NHS: variants seen among roughly 807,000 people sequenced by gnomAD.
The protein encoded by NHS is NHS actin remodeling regulator, also known as actin remodeling regulator NHS.
A neutral mutation model predicts 72.5 loss-of-function variants in NHS; 5 were observed. That is an observed-to-expected ratio of 0.07 (90% CI 0.04 to 0.14). The LOEUF (loss-of-function observed/expected upper bound fraction) is 0.14. Among genes scored for constraint, NHS ranks in the 10% least tolerant of loss-of-function variants. The probability of loss-of-function intolerance (pLI) is 1.00; values close to 1 mark genes in which losing one functional copy is unlikely to be tolerated. For missense variants in NHS, 1,072 were observed against 1,355.7 expected, an observed-to-expected ratio of 0.79 and a Z score of 3.29; for synonymous variants, 464 against 547.7, an observed-to-expected ratio of 0.85 and a Z score of 2.13.
At position 17,732,859 on chromosome X, in the gene NHS, T is replaced by G. The variant is rs1311257428; in HGVS notation, c.*395T>G. On this transcript the variant is annotated 3_prime_UTR_variant, in exon 9 of 9. Transcript: ENST00000676302. ...TGAAATTACTCTGGATGTTTGGTAT[T>G]TTTTTACATTAAAACAAACTAAAGC... is the stretch of plus-strand genomic sequence containing the variant. The G allele has an allele frequency of 1.7e-5, 3 of 181,694 alleles. No homozygotes were observed. Among genetic ancestry groups the G allele is most frequent in the Non-Finnish European group, 3.1e-5 (3 of 97,069 alleles). 15.0% of individuals were successfully genotyped at this position (181,694 alleles called of 1,213,427 possible).
chrX:17,438,626 G>T (rs1002578069), intron 1 of NHS, among the ~76,000 whole-genome samples: 19 of 112,250 alleles, frequency 1.7e-4, no homozygotes, highest in African/African-American at 5.2e-4. Flanking sequence ...ACTGGTCTAA[G>T]ATTCCTTTCA....
intron 7 of NHS, 108 bp from the exon 8 acceptor site, chrX:17,728,541 G>A (rs1162797600): frequency 1.9e-6 from 2 of 1,060,670 alleles, no homozygotes; most frequent in African/African-American, 2.4e-5. Context: ...ATGGCAGCAA[G>A]GTAATTTCTG....
intron 1 of NHS, among the ~76,000 whole-genome samples, chrX:17,498,579 C>A (rs1317935095): frequency 9.0e-6 from 1 of 111,472 alleles, no homozygotes; most frequent in Admixed American, 9.5e-5. Context: ...TCTGTGATAT[C>A]TAGGTTTGGG....
intron 1 of NHS, among the ~76,000 whole-genome samples, chrX:17,674,717 C>T (rs2066069599): frequency 8.9e-6 from 1 of 111,882 alleles, no homozygotes; most frequent in Admixed American, 9.5e-5. Flanking sequence ...CCTGCAGGTG[C>T]CAACATATGT....
chrX:17,545,068 T>C lies in NHS; in HGVS notation c.566-142674T>C, dbSNP rs948194396. Reference sequence around the variant, plus strand: ...GTGCTCTCCCTGCTGGGCAGGGACCTGCTGTCAGGAGGCTGTGCCCTTTGA... The same window carrying C: ...GTGCTCTCCCTGCTGGGCAGGGACCCGCTGTCAGGAGGCTGTGCCCTTTGA... On this transcript the variant is annotated intron_variant, in intron 1 of 8. Coordinates refer to ENST00000676302, the MANE Select transcript of NHS (RefSeq NM_001291867.2). 4.0e-4 allele frequency among the ~76,000 whole-genome samples: 45 copies of C among 112,320 alleles called. No homozygotes were observed. In the Admixed American group the frequency reaches 4.0e-3, roughly 10 times the overall value.
At chrX:17,474,620 A>T (rs750685870) in intron 1 of NHS, among the ~76,000 whole-genome samples, 1 of 111,884 alleles carries the variant, frequency 8.9e-6, no homozygotes, top group South Asian at 3.8e-4. Context: ...AGTTGTCCCA[A>T]ATTGAGGCAA....
intron 1 of NHS, among the ~76,000 whole-genome samples, chrX:17,603,947 G>A (rs962065572): frequency 4.5e-5 from 5 of 111,032 alleles, no homozygotes; most frequent in Non-Finnish European, 9.4e-5. Context: ...CCTCTTTGAT[G>A]ACCTCTTATC....
chrX:17,702,224 C>G (rs1212716449), intron 3 of NHS, among the ~76,000 whole-genome samples: 2 of 111,350 alleles, frequency 1.8e-5, no homozygotes, highest in African/African-American at 6.6e-5. Context: ...ACAAACAGCA[C>G]CAAATAAACC....
At chrX:17,580,457 G>A (rs886491546) in intron 1 of NHS, among the ~76,000 whole-genome samples, 1 of 112,132 alleles carries the variant, frequency 8.9e-6, no homozygotes, top group African/African-American at 3.2e-5. Flanking sequence ...GGGCAGAGAA[G>A]AAACAATAAA....
intron 1 of NHS, among the ~76,000 whole-genome samples, chrX:17,602,625 A>G (rs780779857): frequency 1.8e-5 from 2 of 111,024 alleles, no homozygotes; most frequent in Non-Finnish European, 3.8e-5. Context: ...AACAGTATGG[A>G]GTAGCCTAGC....
intron 1 of NHS, among the ~76,000 whole-genome samples, chrX:17,574,424 C>G (rs937225164): frequency 1.8e-5 from 2 of 112,419 alleles, no homozygotes; most frequent in African/African-American, 6.5e-5. Flanking sequence ...CCCCTCCCCC[C>G]ACCAAGCTCC....
intron 1 of NHS, among the ~76,000 whole-genome samples, chrX:17,434,036 C>T (rs1193248432): frequency 3.6e-5 from 4 of 111,927 alleles, no homozygotes; most frequent in Non-Finnish European, 5.6e-5. Context: ...CATTCTCTCT[C>T]GGGCCTTGGA....
At chrX:17,454,834 C>A (rs1409198698) in intron 1 of NHS, among the ~76,000 whole-genome samples, 1 of 111,871 alleles carries the variant, frequency 8.9e-6, no homozygotes, top group Non-Finnish European at 1.9e-5. Flanking sequence ...TGCTGTCTTT[C>A]CATTTGGTGT....
chrX:17,447,754 G>T lies in NHS; in HGVS notation c.565+71432G>T, dbSNP rs536707611. Among the ~76,000 whole-genome samples the T allele has an allele frequency of 1.5e-4, 14 of 96,252 alleles. No individual in the cohort carries two copies. The South Asian group carries it at 6.3e-3, about 44-fold the overall frequency. The allele number at this position is 96,252 out of a possible 115,157, so 83.6% of individuals were successfully genotyped here. On this transcript the variant is annotated intron_variant, in intron 1 of 8. Coordinates refer to ENST00000676302, the MANE Select transcript of NHS (RefSeq NM_001291867.2). ...GTCAACAATAAAAATTTGGACTTTGGCCACACACACACACACACGCACACA... is the reference window on the plus strand; with the variant it reads ...GTCAACAATAAAAATTTGGACTTTGTCCACACACACACACACACGCACACA...
At chrX:17,499,008 CT>C (rs1316381139) in intron 1 of NHS, among the ~76,000 whole-genome samples, 1 of 111,752 alleles carries the variant, frequency 8.9e-6, no homozygotes, top group African/African-American at 3.3e-5. Flanking sequence ...GTAAACTTCC[CT>C]CATAGTATGC....
intron 3 of NHS, among the ~76,000 whole-genome samples, chrX:17,712,168 C>T (rs1368178235): frequency 7.0e-5 from 7 of 99,695 alleles, no homozygotes; most frequent in Non-Finnish European, 1.4e-4. Flanking sequence ...CCCCTCTAGT[C>T]CACAGTGTGG....
intron 1 of NHS, among the ~76,000 whole-genome samples, chrX:17,486,685 G>C (rs1296203011): frequency 8.9e-5 from 10 of 111,938 alleles, no homozygotes; most frequent in Non-Finnish European, 1.9e-4. Flanking sequence ...GCAATAAGTA[G>C]TAAAATATAC....
chrX:17,612,135 G>A (rs1249867258), intron 1 of NHS, among the ~76,000 whole-genome samples: 2 of 108,621 alleles, frequency 1.8e-5, no homozygotes, highest in Admixed American at 2.0e-4. Flanking sequence ...ACAAGTAGTA[G>A]GAATTTGAAT....
intron 1 of NHS, among the ~76,000 whole-genome samples, chrX:17,386,681 A>G (rs934779379): frequency 1.8e-5 from 2 of 108,737 alleles, no homozygotes; most frequent in African/African-American, 3.3e-5. Context: ...AAAAAAAAAA[A>G]AAAGAAAAAG....
Sources: allele counts gnomAD v4.1 joint callset (sites outside exome capture counted in the v4.1 genomes callset), GRCh38; gene constraint gnomAD v4.1.1; transcripts MANE v1.5; gene names NCBI Gene and HGNC (gene_info 2026-07-23, HGNC 2026-07-21).